The following LGMN variants were observed in gnomAD, a reference collection of about 807,000 sequenced individuals.
The protein encoded by LGMN is asparaginyl endopeptidase.
LGMN carries 36 observed loss-of-function variants against 56.8 expected under a neutral mutation model. That is an observed-to-expected ratio of 0.63 (90% CI 0.49 to 0.84). The LOEUF is 0.84. Among genes scored for constraint, LGMN ranks in the 40% least tolerant of loss-of-function variants. The pLI is 0.00. For missense variants in LGMN, 446 were observed against 556.1 expected (o/e 0.80, Z 1.99); for synonymous variants, 199 against 210.1 (o/e 0.95, Z 0.46).
At chr14:92,718,628 G>A in intron 3 of LGMN, 119 bp downstream of exon 3, 1 of 562,098 alleles carries the variant, frequency 1.8e-6, no homozygotes, top group Non-Finnish European at 3.2e-6. Flanking sequence ...GTGATCTTCT[G>A]TCTGGGAGTC....
intron 12 of LGMN, among the ~76,000 whole-genome samples, chr14:92,706,191 G>A (rs1449322055): frequency 6.6e-6 from 1 of 152,202 alleles, no homozygotes; most frequent in Non-Finnish European, 1.5e-5. Flanking sequence ...CGAGGGTGGG[G>A]TTTGGCAGGG....
chr14:92,703,814 G>A lies in LGMN; in HGVS notation c.*505C>T. The A allele has an allele frequency of 3.3e-6, 1 of 303,676 alleles. No individual in the cohort carries two copies. The highest frequency in any genetic ancestry group is 2.8e-5 in the South Asian group (1 of 35,768). 18.8% of individuals were successfully genotyped at this position (303,676 alleles called of 1,614,324 possible). On this transcript the variant is annotated 3_prime_UTR_variant, in exon 14 of 14. Transcript: ENST00000334869. ...GTCAGTGTCGGACGTGAATATTTGGGTTCTGTTATAAATCTTTATTTTTTA... is the reference window on the plus strand; with the variant it reads ...GTCAGTGTCGGACGTGAATATTTGGATTCTGTTATAAATCTTTATTTTTTA...
At chr14:92,740,190 G>C (rs929864316) in intron 1 of LGMN, among the ~76,000 whole-genome samples, 3 of 152,250 alleles carry the variant, frequency 2.0e-5, no homozygotes, top group Admixed American at 2.0e-4. Context: ...AGAGGTTGCA[G>C]TGAGGCGAGA....
intron 2 of LGMN, among the ~76,000 whole-genome samples, chr14:92,719,200 A>AC (rs1566923836): frequency 8.5e-6 from 1 of 118,066 alleles, no homozygotes; most frequent in African/African-American, 3.8e-5. Context: ...CACCGCCACC[A>AC]ACACCACCAC....
chr14:92,713,229 G>GT (rs891801554), intron 7 of LGMN, among the ~76,000 whole-genome samples: 31 of 151,218 alleles, frequency 2.1e-4, no homozygotes, highest in Non-Finnish European at 2.4e-4. Flanking sequence ...ACCCATGCAG[G>GT]TTTTTTTTTG....
chr14:92,741,729 G>C (rs920738558), intron 1 of LGMN: 2 of 152,162 alleles, frequency 1.3e-5, no homozygotes, highest in African/African-American at 4.8e-5. Flanking sequence ...TGTGCGTGGT[G>C]GTGGGCACCT....
intron 8 of LGMN, 50 bp from the exon 9 acceptor site, chr14:92,712,005 G>T (rs768081574): frequency 1.5e-6 from 2 of 1,378,370 alleles, no homozygotes; most frequent in Non-Finnish European, 2.1e-6. Flanking sequence ...TCCTGCCTTG[G>T]ATTACGCTTG....
At position 92,704,672 on chromosome 14, in the gene LGMN, G is replaced by T; in HGVS notation, c.1227C>A (p.Val409=). 6.2e-7 allele frequency: 1 copy of T among 1,613,656 alleles called. No homozygotes were observed. The highest frequency in any genetic ancestry group is 1.1e-5 in the South Asian group (1 of 91,048). The change falls in exon 13 of 14, where the codon GTC becomes GTA. Residue 409 remains valine (V), a synonymous_variant. Transcript: ENST00000334869. The stretch of plus-strand genomic sequence containing the variant: ...GCGGATACGGCTTCTCACAAAGGTT[G>T]ACCAGCACGTACAAATGTCTCAACG... ...EYALRHLYVL[V]NLCEKPYPLH...
rs1258063061 is a variant in LGMN, at chr14:92,719,211, C to T, written c.139-367G>A. Among the ~76,000 whole-genome samples, 52 of 142,448 alleles carry T rather than the reference C, an allele frequency of 3.7e-4. 1 individual carries two copies. The South Asian group carries it at 0.011, about 29-fold the overall frequency. The allele number at this position is 142,448 out of a possible 152,430, so 93.5% of individuals were successfully genotyped here. ...CCACCACCGCCACCAACACCACCAC[C>T]GCCACCAACACCACCACCGCCACCG... is the stretch of plus-strand genomic sequence containing the variant. On this transcript the variant is annotated intron_variant, in intron 2 of 13. Transcript: ENST00000334869.
intron 2 of LGMN, among the ~76,000 whole-genome samples, chr14:92,722,976 C>T (rs574090350): frequency 4.6e-5 from 7 of 152,154 alleles, no homozygotes; most frequent in Admixed American, 6.5e-5. Flanking sequence ...AGTGGAGCCG[C>T]GATTTTGGAA....
At chr14:92,722,187 T>TTTA (rs1890509053) in intron 2 of LGMN, among the ~76,000 whole-genome samples, 1 of 152,012 alleles carries the variant, frequency 6.6e-6, no homozygotes, top group African/African-American at 2.4e-5. Context: ...TTTTTTTTTT[T>TTTA]AGCAAGGTGC....
chr14:92,729,172 C>T (rs1435699742), intron 2 of LGMN, among the ~76,000 whole-genome samples: 1 of 142,716 alleles, frequency 7.0e-6, no homozygotes, highest in African/African-American at 2.6e-5. Flanking sequence ...TTGCGCCACA[C>T]TTCCCAGGTG....
intron 10 of LGMN, among the ~76,000 whole-genome samples, chr14:92,711,051 G>A (rs1889739658): frequency 6.6e-6 from 1 of 152,222 alleles, no homozygotes; most frequent in African/African-American, 2.4e-5. Context: ...CTGCACATTT[G>A]TTACGGTGTT....
chr14:92,742,780 C>G (rs1186390041), intron 1 of LGMN: 2 of 152,146 alleles, frequency 1.3e-5, no homozygotes, highest in African/African-American at 4.8e-5. Context: ...CGTGGTGGCT[C>G]GTGCCTGTAA....
chr14:92,713,681 G>C, intron 7 of LGMN, 142 bp downstream of exon 7: 1 of 700,888 alleles, frequency 1.4e-6, no homozygotes, highest in Non-Finnish European at 2.6e-6. Context: ...GCCTCATCCT[G>C]GGAAACCAGG....
intron 1 of LGMN, among the ~76,000 whole-genome samples, chr14:92,736,591 G>A (rs1265432705): frequency 6.6e-6 from 1 of 152,126 alleles, no homozygotes; most frequent in Non-Finnish European, 1.5e-5. Flanking sequence ...GCGAGACCCT[G>A]TCTTAAATAA....
intron 2 of LGMN, among the ~76,000 whole-genome samples, chr14:92,727,142 GAA>G (rs1890780968): frequency 6.6e-6 from 1 of 151,814 alleles, no homozygotes. Flanking sequence ...GTAGCAAGAT[GAA>G]AAGAGGCTGG....
chr14:92,742,022 G>T (rs188054121), intron 1 of LGMN, among the ~76,000 whole-genome samples: 6 of 152,254 alleles, frequency 3.9e-5, no homozygotes, highest in Non-Finnish European at 7.4e-5. Context: ...GTTTTAGCAA[G>T]AATCCAGAAG....
intron 11 of LGMN, among the ~76,000 whole-genome samples, chr14:92,708,856 C>CAAAAAAAAAAA (rs58813848): frequency 0.061 from 4,352 of 71,304 alleles, 563 homozygotes; most frequent in Non-Finnish European, 0.091. Flanking sequence ...ACTCTTGTCT[C>CAAAAAAAAAAA]AAAAAAAAAA....
Sources: gnomAD v4.1 joint callset for allele counts (sites outside exome capture counted in the v4.1 genomes callset) on GRCh38, gnomAD v4.1.1 for gene constraint, MANE v1.5 for transcripts, NCBI Gene and HGNC (gene_info 2026-07-23, HGNC 2026-07-21) for gene names.